The following ANKRD13C variants were observed in gnomAD, a reference collection of about 807,000 sequenced individuals.
ANKRD13C encodes ankyrin repeat domain 13C.
In ANKRD13C, 16 loss-of-function variants were observed where a neutral mutation model predicts 65.5. The observed-to-expected ratio is 0.24, with a 90% CI of 0.17 to 0.37. The LOEUF (loss-of-function observed/expected upper bound fraction) is 0.37. Among genes scored for constraint, ANKRD13C ranks in the 10% least tolerant of loss-of-function variants. The pLI, the probability that ANKRD13C is intolerant of heterozygous loss-of-function variation, is 1.00. For missense variants in ANKRD13C, 503 were observed against 655.9 expected (o/e 0.77, Z 2.55); for synonymous variants, 235 against 238.7 (o/e 0.98, Z 0.14).
At position 70,354,207 on chromosome 1, in the gene ANKRD13C, C is replaced by T; in HGVS notation, c.202G>A (p.Ala68Thr). 1 of 1,613,680 alleles carries T rather than the reference C, an allele frequency of 6.2e-7. No homozygotes were observed. Among genetic ancestry groups the T allele is most frequent in the Non-Finnish European group, 8.5e-7 (1 of 1,180,022 alleles). The change falls in exon 1 of 13, where the codon GCC becomes ACC. Residue 68 changes from alanine to threonine, a missense_variant. Physicochemically the swap from Ala to Thr is moderately conservative, Grantham distance 58. Around this residue, in one of 2 missense-constraint regions of ANKRD13C, gnomAD observed 203 missense variants for 177.6 expected, o/e 1.14. Transcript: ENST00000370944. ...HHRLQLKAAPASSNPPGAPAL... is the reference protein window; with the variant it reads ...HHRLQLKAAPTSSNPPGAPAL... The stretch of plus-strand genomic sequence containing the variant: ...GGGGCGCCGGGGGGATTGGAGGAGG[C>T]CGGAGCTGCCTTCAGCTGTAGCCGG...
Position 70,354,661 on chromosome 1 carries a change from C to T in ANKRD13C, c.-253G>A, listed in dbSNP as rs1350983450. The T allele has an allele frequency of 3.4e-6, 3 of 892,944 alleles. No homozygotes were observed. The highest frequency in any genetic ancestry group is 4.9e-6 in the Non-Finnish European group (3 of 606,710). 55.3% of individuals were successfully genotyped at this position (892,944 alleles called of 1,614,324 possible). The stretch of plus-strand genomic sequence containing the variant: ...CACGACACCAGGATCTCAGTCTCGC[C>T]GTCGCAGCCGCCGTCGCTGCCTTAC... On this transcript the variant is annotated 5_prime_UTR_variant, in exon 1 of 13. Coordinates refer to ENST00000370944, the MANE Select transcript of ANKRD13C (RefSeq NM_030816.5).
chr1:70,271,318 ATC>A (rs1678869363), intron 11 of ANKRD13C, among the ~76,000 whole-genome samples: 1 of 152,170 alleles, frequency 6.6e-6, no homozygotes, highest in Non-Finnish European at 1.5e-5. Context: ...ATTGCTTCTT[ATC>A]TTTAAAGGGA....
At chr1:70,293,660 AGC>A (rs770828834) in intron 8 of ANKRD13C, 12 of 615,506 alleles carry the variant, frequency 1.9e-5, no homozygotes, top group Non-Finnish European at 2.2e-5. Flanking sequence ...AAGACTTTAA[AGC>A]CAACAAATGG....
chr1:70,282,655 A>G (rs1679449095), intron 9 of ANKRD13C, among the ~76,000 whole-genome samples: 1 of 152,248 alleles, frequency 6.6e-6, no homozygotes, highest in Admixed American at 6.5e-5. Context: ...AAGAGGCTTA[A>G]AAGCTAGTTA....
chr1:70,309,732 A>AT (rs1553248050), intron 5 of ANKRD13C, among the ~76,000 whole-genome samples: 2,581 of 106,984 alleles, frequency 0.024, 46 homozygotes, highest in Middle Eastern at 0.042. Flanking sequence ...AAAAAAAAAA[A>AT]AATAATAATA....
chr1:70,306,207 A>C lies in ANKRD13C; in HGVS notation c.776+17T>G. On this transcript the variant is annotated intron_variant, in intron 6 of 12. Transcript: ENST00000370944. Reference sequence around the variant, plus strand: ...TCTCAACTTTCTTTTACTGAGAAAAAAATCAAATCACCTTACCTGATATTG... The same window carrying C: ...TCTCAACTTTCTTTTACTGAGAAAACAATCAAATCACCTTACCTGATATTG... 1.3e-6 allele frequency: 2 copies of C among 1,510,612 alleles called. No homozygotes were observed. Among genetic ancestry groups the C allele is most frequent in the Non-Finnish European group, 1.8e-6 (2 of 1,126,622 alleles). 93.6% of individuals were successfully genotyped at this position (1,510,612 alleles called of 1,614,324 possible). A position where few individuals can be genotyped will look rare whatever the true frequency, so the allele number is the denominator to read the frequency against.
intron 3 of ANKRD13C, among the ~76,000 whole-genome samples, chr1:70,322,830 T>G (rs1461424659): frequency 6.6e-6 from 1 of 151,918 alleles, no homozygotes; most frequent in African/African-American, 2.4e-5. Context: ...CCAACTATAC[T>G]AAAACTACAA....
chr1:70,281,586 G>T (rs1434804880), intron 9 of ANKRD13C, among the ~76,000 whole-genome samples: 2 of 149,886 alleles, frequency 1.3e-5, no homozygotes, highest in African/African-American at 4.9e-5. Flanking sequence ...CTTTTTTTTT[G>T]TAGAGACAGA....
At chr1:70,319,190 G>A (rs1168961962) in intron 3 of ANKRD13C, among the ~76,000 whole-genome samples, 1 of 152,140 alleles carries the variant, frequency 6.6e-6, no homozygotes, top group Non-Finnish European at 1.5e-5. Flanking sequence ...GCAGAGACTG[G>A]AAATTGGGAT....
At chr1:70,282,681 G>A (rs898322157) in intron 9 of ANKRD13C, among the ~76,000 whole-genome samples, 2 of 152,160 alleles carry the variant, frequency 1.3e-5, no homozygotes, top group Non-Finnish European at 2.9e-5. Flanking sequence ...CCTCACAAAT[G>A]CTGTGGCAAA....
At chr1:70,270,191 T>C (rs1420512868) in intron 12 of ANKRD13C, among the ~76,000 whole-genome samples, 1 of 152,194 alleles carries the variant, frequency 6.6e-6, no homozygotes, top group Non-Finnish European at 1.5e-5. Flanking sequence ...ACACAGAAAC[T>C]GAAAGCATAG....
intron 2 of ANKRD13C, among the ~76,000 whole-genome samples, chr1:70,326,117 G>C (rs1373241336): frequency 1.3e-5 from 2 of 150,246 alleles, no homozygotes; most frequent in Non-Finnish European, 3.0e-5. Flanking sequence ...TGTAATCCCA[G>C]CTACTCGGGA....
Position 70,261,635 on chromosome 1 carries a change from TAATC to T in ANKRD13C, c.*1078_*1081del. On this transcript the variant is annotated 3_prime_UTR_variant, in exon 13 of 13. Transcript: ENST00000370944. ...TGTGATTTAAAAAAAATAATAGGAG[TAATC>T]AATCTTGTGTATACTTCTGGACTTT... 6.6e-6 allele frequency: 1 copy of T among 152,392 alleles called. No homozygotes were observed. Among genetic ancestry groups the T allele is most frequent in the East Asian group, 1.9e-4 (1 of 5,178 alleles). The allele number at this position is 152,392 out of a possible 1,614,324, so 9.4% of individuals were successfully genotyped here.
intron 3 of ANKRD13C, among the ~76,000 whole-genome samples, chr1:70,319,080 T>C (rs771390172): frequency 2.6e-5 from 4 of 152,172 alleles, no homozygotes; most frequent in Admixed American, 6.6e-5. Flanking sequence ...AATGTTTTGT[T>C]CTAAATATCT....
At chr1:70,276,381 C>T (rs1408284031) in intron 10 of ANKRD13C, among the ~76,000 whole-genome samples, 6 of 152,114 alleles carry the variant, frequency 3.9e-5, no homozygotes, top group East Asian at 1.9e-4. Flanking sequence ...AATGAATGGG[C>T]TTGCACACTA....
chr1:70,333,583 T>C (rs1006228437), intron 2 of ANKRD13C, among the ~76,000 whole-genome samples: 11 of 152,224 alleles, frequency 7.2e-5, no homozygotes, highest in African/African-American at 2.7e-4. Context: ...CCATCACTTG[T>C]GGCTTGGCTT....
intron 9 of ANKRD13C, among the ~76,000 whole-genome samples, chr1:70,290,500 A>C (rs1420389003): frequency 6.6e-6 from 1 of 152,056 alleles, no homozygotes; most frequent in Admixed American, 6.6e-5. Context: ...ATGAAGTAGT[A>C]ATGACTCTCA....
chr1:70,300,610 GA>G (rs1336695512), intron 7 of ANKRD13C, among the ~76,000 whole-genome samples, 153 bp downstream of exon 7: 1 of 151,866 alleles, frequency 6.6e-6, no homozygotes, highest in Non-Finnish European at 1.5e-5. Flanking sequence ...AAAGAAAAAA[GA>G]AAAGAAAGCT....
At chr1:70,321,742 G>A (rs1397260376) in intron 3 of ANKRD13C, among the ~76,000 whole-genome samples, 1 of 152,174 alleles carries the variant, frequency 6.6e-6, no homozygotes, top group African/African-American at 2.4e-5. Context: ...GGTAACCACT[G>A]TAAGGCAGAA....
Sources: allele counts gnomAD v4.1 joint callset (sites outside exome capture counted in the v4.1 genomes callset), GRCh38; gene constraint gnomAD v4.1.1; regional missense constraint gnomAD v4.1.1; transcripts MANE v1.5; gene names NCBI Gene and HGNC (gene_info 2026-07-23, HGNC 2026-07-21).